SRFBP1: variants seen among roughly 807,000 people sequenced by gnomAD.
SRFBP1 encodes serum response factor-binding protein 1.
Under a neutral mutation model 45.5 loss-of-function variants are expected in SRFBP1, and 47 were observed. The ratio of observed to expected loss-of-function variants is 1.03; its 90% confidence interval spans 0.82 to 1.32. The LOEUF is 1.32. SRFBP1 is among the 40% of genes most tolerant of loss of function. SRFBP1 has a pLI of 0.00. For synonymous variants in SRFBP1, 203 were observed against 166.3 expected (o/e 1.22, Z -1.70); for missense variants, 621 against 484.6 (o/e 1.28, Z -2.64).
chr5:121,994,981 A>G (rs1229409473), intron 4 of SRFBP1, among the ~76,000 whole-genome samples: 1 of 151,940 alleles, frequency 6.6e-6, no homozygotes, highest in African/African-American at 2.4e-5. Flanking sequence ...AGAGCTAACT[A>G]TCCTAAATAT....
chr5:121,973,404 AT>A (rs2112816929), intron 1 of SRFBP1, among the ~76,000 whole-genome samples: 1 of 151,944 alleles, frequency 6.6e-6, no homozygotes, highest in South Asian at 2.1e-4. Flanking sequence ...TCCAGGAGTA[AT>A]TTTTAAGATG....
At chr5:121,970,530 C>A in intron 1 of SRFBP1, among the ~76,000 whole-genome samples, 1 of 151,314 alleles carries the variant, frequency 6.6e-6, no homozygotes, top group South Asian at 2.1e-4. Context: ...GTTTATGCAA[C>A]GTGGCCGTTC....
chr5:122,020,870 T>C, intron 6 of SRFBP1, 68 bp downstream of exon 6: 5 of 1,339,216 alleles, frequency 3.7e-6, no homozygotes, highest in Non-Finnish European at 5.0e-6. Flanking sequence ...TGTCTACTTG[T>C]CCATACATGA....
intron 4 of SRFBP1, among the ~76,000 whole-genome samples, chr5:122,016,211 C>G (rs1208269677): frequency 6.6e-6 from 1 of 152,180 alleles, no homozygotes; most frequent in African/African-American, 2.4e-5. Flanking sequence ...TCACCATCAT[C>G]CTGGGAAGTT....
At chr5:121,999,335 C>CT (rs997415679) in intron 4 of SRFBP1, among the ~76,000 whole-genome samples, 1 of 151,990 alleles carries the variant, frequency 6.6e-6, no homozygotes, top group Non-Finnish European at 1.5e-5. Context: ...TGAACATAAA[C>CT]TTTGTGATTT....
chr5:122,000,218 A>G (rs1263126102), intron 4 of SRFBP1, among the ~76,000 whole-genome samples: 1 of 152,122 alleles, frequency 6.6e-6, no homozygotes, highest in East Asian at 1.9e-4. Context: ...GTAAATGCCA[A>G]TTACTTTATG....
intron 2 of SRFBP1, among the ~76,000 whole-genome samples, chr5:122,037,970 A>AT (rs1400692533): frequency 1.4e-4 from 21 of 152,192 alleles, no homozygotes; most frequent in African/African-American, 4.8e-4. Context: ...GAATTGCTTA[A>AT]TCCTTAAGTG....
intron 2 of SRFBP1, among the ~76,000 whole-genome samples, chr5:122,069,595 C>A (rs1037216154): frequency 6.6e-6 from 1 of 152,066 alleles, no homozygotes; most frequent in East Asian, 1.9e-4. Flanking sequence ...TATATGACAT[C>A]TTGATTTGTA....
In SRFBP1 at chr5:121,962,015, C is replaced by A. The variant is rs189682790; in HGVS notation, c.-18C>A. ...GGTTCACGTGCAGGCAGCGGCGGAT[C>A]ATATTCCTTCATCTACCATGGCTCA... On this transcript the variant is annotated 5_prime_UTR_variant, in exon 1 of 8. Coordinates refer to ENST00000339397, the MANE Select transcript of SRFBP1 (RefSeq NM_152546.3). The A allele has an allele frequency of 9.4e-4, 1,521 of 1,613,984 alleles. 11 individuals carry two copies. The African/African-American group carries it at 0.017, about 18-fold the overall frequency.
intron 2 of SRFBP1, among the ~76,000 whole-genome samples, chr5:122,044,737 C>G (rs1753828727): frequency 6.6e-6 from 1 of 151,726 alleles, no homozygotes; most frequent in Admixed American, 6.6e-5. Flanking sequence ...GTTTAAATTC[C>G]TTATAGATTC....
rs527865268 is a variant in SRFBP1 at position 122,038,010 on chromosome 5, T to C, written n.311+15603T>C. On this transcript the variant is annotated intron_variant and non_coding_transcript_variant, in intron 2 of 2. Transcript: ENST00000504881. ...GTGGATGAAAACTATCTGAGCCATT[T>C]CCAGGTGTGGCCCATAAAATCTCAT... Among the ~76,000 whole-genome samples the C allele has an allele frequency of 4.3e-4, 65 of 152,384 alleles. 2 individuals carry two copies. In the South Asian group the frequency reaches 0.013, roughly 31 times the overall value.
chr5:122,019,206 A>T, intron 4 of SRFBP1, 54 bp from the exon 5 acceptor site: 2 of 1,421,752 alleles, frequency 1.4e-6, no homozygotes, highest in Non-Finnish European at 2.0e-6. Context: ...TTCACTTTCA[A>T]TAGTGTCATT....
chr5:122,040,322 T>C (rs1490175803), intron 2 of SRFBP1, among the ~76,000 whole-genome samples: 1 of 152,146 alleles, frequency 6.6e-6, no homozygotes, highest in Non-Finnish European at 1.5e-5. Context: ...GTAGCCTAAG[T>C]ACGATATCAT....
intron 7 of SRFBP1, among the ~76,000 whole-genome samples, chr5:122,026,346 C>G (rs1203719870): frequency 6.6e-6 from 1 of 152,152 alleles, no homozygotes; most frequent in African/African-American, 2.4e-5. Context: ...AAGTTGCCAC[C>G]TTCATATCTG....
intron 3 of SRFBP1, among the ~76,000 whole-genome samples, chr5:121,983,989 C>T (rs758351053): frequency 2.6e-5 from 4 of 151,694 alleles, no homozygotes; most frequent in Non-Finnish European, 5.9e-5. Context: ...ACTGTATTAA[C>T]CTCATTTGTT....
chr5:122,030,896 C>T (rs1024138786), downstream of SRFBP1, among the ~76,000 whole-genome samples: 1 of 152,060 alleles, frequency 6.6e-6, no homozygotes, highest in African/African-American at 2.4e-5. Flanking sequence ...AAGATAGGGA[C>T]TTTGATAAGT....
intron 2 of SRFBP1, among the ~76,000 whole-genome samples, chr5:122,042,420 C>T (rs1753786974): frequency 6.6e-6 from 1 of 152,072 alleles, no homozygotes; most frequent in Non-Finnish European, 1.5e-5. Flanking sequence ...ATACATGCCA[C>T]CACACCTGGC....
Position 121,964,513 on chromosome 5 carries a change from G to A in SRFBP1, c.36+2445G>A, listed in dbSNP as rs562752123. On this transcript the variant is annotated intron_variant, in intron 1 of 7. Transcript: ENST00000339397. The stretch of plus-strand genomic sequence containing the variant: ...CCAGCATCATCCATGTCCCTGCAAA[G>A]GACATGAACTCATCATTTTTTATGG... Among the ~76,000 whole-genome samples the A allele has an allele frequency of 8.6e-4, 131 of 152,264 alleles. 4 individuals carry two copies. In the South Asian group the frequency reaches 0.023, roughly 27 times the overall value.
At chr5:121,989,797 A>G (rs1407224339) in intron 3 of SRFBP1, among the ~76,000 whole-genome samples, 1 of 152,158 alleles carries the variant, frequency 6.6e-6, no homozygotes, top group Non-Finnish European at 1.5e-5. Flanking sequence ...CTCCCATTAT[A>G]AGTAAAACAG....
Sources: allele counts gnomAD v4.1 joint callset (sites outside exome capture counted in the v4.1 genomes callset), GRCh38; gene constraint gnomAD v4.1.1; transcripts MANE v1.5; gene names NCBI Gene and HGNC (gene_info 2026-07-23, HGNC 2026-07-21).